The following SLC28A1 variants were observed in gnomAD, a reference collection of about 807,000 sequenced individuals.
SLC28A1 encodes solute carrier family 28 member 1.
SLC28A1 carries 64 observed loss-of-function variants against 74.8 expected under a neutral mutation model. The ratio of observed to expected loss-of-function variants is 0.86; its 90% CI spans 0.70 to 1.05. The LOEUF (loss-of-function observed/expected upper bound fraction) is 1.05. Ranked by LOEUF, SLC28A1 falls within the 50% of genes least tolerant of loss-of-function variation. The probability of loss-of-function intolerance (pLI) is 0.00; values close to 1 mark genes in which losing one functional copy is unlikely to be tolerated. For missense variants in SLC28A1, 828 were observed against 822.8 expected, an observed-to-expected ratio of 1.01 and a Z score of -0.08; for synonymous variants, 359 against 335.0, an observed-to-expected ratio of 1.07 and a Z score of -0.78.
At chr15:84,890,716 G>C (rs1232874457) in intron 5 of SLC28A1, among the ~76,000 whole-genome samples, 182 bp downstream of exon 5, 1 of 152,210 alleles carries the variant, frequency 6.6e-6, no homozygotes, top group African/African-American at 2.4e-5. Context: ...TTGTTCCCAA[G>C]GCACTCCCTC....
downstream of SLC28A1, among the ~76,000 whole-genome samples, chr15:84,946,082 GTTCA>G (rs1271881093): frequency 0.023 from 539 of 23,246 alleles, 21 homozygotes; most frequent in African/African-American, 0.079. Flanking sequence ...GTGTGTGTAT[GTTCA>G]TATATATATA....
intron 9 of SLC28A1, among the ~76,000 whole-genome samples, chr15:84,911,605 T>C (rs1968233529): frequency 6.6e-6 from 1 of 151,918 alleles, no homozygotes; most frequent in Admixed American, 6.5e-5. Context: ...CTCACGCCTG[T>C]AATCCCAGTA....
intron 6 of SLC28A1, among the ~76,000 whole-genome samples, chr15:84,899,335 G>C (rs572478536): frequency 2.0e-5 from 3 of 151,874 alleles, no homozygotes; most frequent in African/African-American, 7.3e-5. Context: ...AGAGGAGAAG[G>C]AGGGCAGAAA....
rs201699816 is a variant in SLC28A1 at position 84,935,214 on chromosome 15, A to C, written c.1383+20A>C. The C allele has an allele frequency of 2.5e-6, 4 of 1,613,654 alleles. No homozygotes were observed. The highest frequency in any genetic ancestry group is 8.5e-7 in the Non-Finnish European group (1 of 1,179,654). On this transcript the variant is annotated intron_variant, in intron 14 of 18. Coordinates refer to ENST00000394573, the MANE Select transcript of SLC28A1 (RefSeq NM_004213.5). ...TTCCAGGTGCGTTTCTGGCCACCAC[A>C]CTCAGTCTGTAGAGAGGATGGCCCC...
At chr15:84,916,857 G>A (rs1339628595) in intron 9 of SLC28A1, among the ~76,000 whole-genome samples, 26 of 151,860 alleles carry the variant, frequency 1.7e-4, no homozygotes, top group Non-Finnish European at 3.1e-4. Context: ...GTGAAACCTT[G>A]TCTCTACTAA....
chr15:84,946,268 T>G (rs2079228136), downstream of SLC28A1, among the ~76,000 whole-genome samples: 1 of 150,810 alleles, frequency 6.6e-6, no homozygotes, highest in Non-Finnish European at 1.5e-5. Context: ...AAGAACCTTT[T>G]TGATGGAAGT....
chr15:84,904,081 T>C lies in SLC28A1; in HGVS notation c.462-16T>C. On this transcript the variant is annotated splice_polypyrimidine_tract_variant and intron_variant, in intron 6 of 18. Coordinates refer to ENST00000394573, the MANE Select transcript of SLC28A1 (RefSeq NM_004213.5). The stretch of plus-strand genomic sequence containing the variant: ...TGCAATGCTGAGGGTAATGGCTTTC[T>C]GTCTCTTGCCTGCAGGGGTCTAGCT... The C allele has an allele frequency of 6.2e-7, 1 of 1,614,174 alleles. No homozygotes were observed. The highest frequency in any genetic ancestry group is 8.5e-7 in the Non-Finnish European group (1 of 1,180,028).
At chr15:84,918,436 T>A in intron 9 of SLC28A1, 88 bp from the exon 10 acceptor site, 1 of 915,082 alleles carries the variant, frequency 1.1e-6, no homozygotes. Context: ...TGGGATGGAG[T>A]GGGCTGTCTG....
intron 1 of SLC28A1, chr15:84,886,215 A>G (rs1477297451): frequency 1.0e-6 from 1 of 985,222 alleles, no homozygotes; most frequent in Non-Finnish European, 1.2e-6. Context: ...CACTTTTACT[A>G]TTTCTCACAG....
At chr15:84,938,128 AG>A (rs1303440463) in intron 15 of SLC28A1, among the ~76,000 whole-genome samples, 1 of 143,386 alleles carries the variant, frequency 7.0e-6, no homozygotes, top group Admixed American at 7.2e-5. Flanking sequence ...TGAACCCAGG[AG>A]GGGGAGGTTG....
chr15:84,950,434 C>T (rs1208867386), downstream of SLC28A1, among the ~76,000 whole-genome samples: 1 of 149,008 alleles, frequency 6.7e-6, no homozygotes. Flanking sequence ...ATAAAAACTA[C>T]ATTTCTCAGC....
chr15:84,969,575 C>T, the SLC28A1 span, among the ~76,000 whole-genome samples: 1 of 152,196 alleles, frequency 6.6e-6, no homozygotes, highest in African/African-American at 2.4e-5. Context: ...CAAGAGCACA[C>T]ATGTAGGGGG....
chr15:84,908,945 C>A, intron 9 of SLC28A1, 150 bp downstream of exon 9: 1 of 709,092 alleles, frequency 1.4e-6, no homozygotes, highest in Non-Finnish European at 2.5e-6. Flanking sequence ...GAACCTTAAG[C>A]CTGGGGCCCG....
At chr15:84,944,902 C>A in intron 18 of SLC28A1, 35 bp downstream of exon 18, 1 of 1,442,378 alleles carries the variant, frequency 6.9e-7, no homozygotes, top group Non-Finnish European at 9.8e-7. Context: ...GCAGGGCACC[C>A]ACAGTGATAG....
chr15:84,962,377 G>A, the SLC28A1 span, among the ~76,000 whole-genome samples: 6 of 152,022 alleles, frequency 3.9e-5, no homozygotes, highest in Middle Eastern at 3.2e-3. Context: ...CCCAGCCTTC[G>A]TTGACTCTTT....
Position 84,924,047 on chromosome 15 carries a change from T to C in SLC28A1, c.1020T>C (p.Val340=). Residue 340 remains valine (V), a synonymous_variant, in exon 12 of 19, where the codon GTT becomes GTC. Coordinates refer to ENST00000394573, the MANE Select transcript of SLC28A1 (RefSeq NM_004213.5). ...ACATGACACTCTCTGAAGTCCACGTTGTCATGACCGGAGGTTACGCCACCA... is the reference window on the plus strand; with the variant it reads ...ACATGACACTCTCTGAAGTCCACGTCGTCATGACCGGAGGTTACGCCACCA... ...LADMTLSEVH[V]VMTGGYATIA... 1 of 1,613,982 alleles carries C rather than the reference T, an allele frequency of 6.2e-7. No homozygotes were observed. Among genetic ancestry groups the C allele is most frequent in the Non-Finnish European group, 8.5e-7 (1 of 1,179,986 alleles).
the SLC28A1 span, among the ~76,000 whole-genome samples, chr15:84,964,174 G>T: frequency 1.3e-5 from 2 of 152,198 alleles, no homozygotes; most frequent in East Asian, 3.9e-4. Context: ...TATGCTTCTG[G>T]GGGAAGGAAA....
the SLC28A1 span, among the ~76,000 whole-genome samples, chr15:84,973,390 C>T: frequency 2.0e-5 from 3 of 152,182 alleles, no homozygotes; most frequent in Admixed American, 2.0e-4. Context: ...ATGTCTCTAT[C>T]CGGGGCTCAA....
Position 84,918,502 on chromosome 15 carries a change from C to G in SLC28A1, c.796-22C>G, listed in dbSNP as rs762600817. The G allele has an allele frequency of 2.5e-6, 4 of 1,604,866 alleles. No individual in the cohort carries two copies. In the Admixed American group the frequency reaches 6.7e-5, roughly 27 times the overall value. ...ATCCTGCCTGCCTCTAACCTGCGGT[C>G]CTATGATCTCCTTCCCGGCAGGTTC... On this transcript the variant is annotated intron_variant, in intron 9 of 18. Coordinates refer to ENST00000394573, the MANE Select transcript of SLC28A1 (RefSeq NM_004213.5).
Sources: allele counts gnomAD v4.1 joint callset (sites outside exome capture counted in the v4.1 genomes callset), GRCh38; gene constraint gnomAD v4.1.1; transcripts MANE v1.5; gene names NCBI Gene and HGNC (gene_info 2026-07-23, HGNC 2026-07-21).